Variants in DNAJC10 observed in about 807,000 individuals in gnomAD.
DNAJC10 encodes the protein DnaJ heat shock protein family (Hsp40) member C10.
In DNAJC10, 101 loss-of-function variants were observed where a neutral mutation model predicts 115.0. The ratio of observed to expected loss-of-function variants is 0.88; its 90% CI spans 0.75 to 1.04. DNAJC10 has a LOEUF of 1.04. DNAJC10 is among the 50% of genes least tolerant of loss of function. The pLI is 0.00. For missense variants in DNAJC10, 981 were observed against 928.8 expected (o/e 1.06, Z -0.73); for synonymous variants, 307 against 301.5 (o/e 1.02, Z -0.19).
At position 182,755,056 on chromosome 2, in the gene DNAJC10, T is replaced by A. The variant is rs763924453; in HGVS notation, c.1605T>A (p.His535Gln). Residue 535 changes from histidine to glutamine, a missense_variant, in exon 17 of 24, where the codon CAT becomes CAA. His to Gln is a conservative substitution (Grantham distance 24, BLOSUM62 0). Transcript: ENST00000264065. ...TTVVFNQSNI[H>Q]EYEGHHSAEQ... is the part of the protein sequence containing the mutation. Reference sequence around the variant, plus strand: ...TGGTATTCAACCAGTCCAACATTCATGAGTATGAAGGACATCACTCTGCTG... The same window carrying A: ...TGGTATTCAACCAGTCCAACATTCAAGAGTATGAAGGACATCACTCTGCTG... 1.9e-6 allele frequency: 3 copies of A among 1,610,620 alleles called. No homozygotes were observed. Among genetic ancestry groups the A allele is most frequent in the South Asian group, 2.2e-5 (2 of 91,008 alleles).
chr2:182,751,879 CA>C, intron 15 of DNAJC10, 94 bp downstream of exon 15: 1 of 1,479,380 alleles, frequency 6.8e-7, no homozygotes, highest in Non-Finnish European at 9.2e-7. Context: ...ATCATTAGTA[CA>C]AAAACTGTGT....
rs928764568 is a variant in DNAJC10, at chr2:182,794,207, A to G, written c.*17075A>G. The stretch of plus-strand genomic sequence containing the variant: ...GGGGCGAGAGAGCAGAGAGCTTGGG[A>G]AAGAAGTCTCTGAGGAGAAAGAATG... On this transcript the variant is annotated 3_prime_UTR_variant, in exon 24 of 24. Transcript: ENST00000264065. The G allele has an allele frequency of 2.0e-5, 3 of 152,232 alleles. No homozygotes were observed. Among genetic ancestry groups the G allele is most frequent in the African/African-American group, 7.2e-5 (3 of 41,450 alleles). 9.4% of individuals were successfully genotyped at this position (152,232 alleles called of 1,614,324 possible).
chr2:182,748,745 G>A (rs1243586761), intron 14 of DNAJC10, among the ~76,000 whole-genome samples: 2 of 152,096 alleles, frequency 1.3e-5, no homozygotes, highest in Non-Finnish European at 2.9e-5. Flanking sequence ...TAATTGTGAT[G>A]TTAGGGTGTC....
At position 182,789,000 on chromosome 2, in the gene DNAJC10, C is replaced by A. The variant is rs288304; in HGVS notation, c.*11868C>A. 171,201 of 271,500 alleles carry A rather than the reference C, an allele frequency of 0.63. 54,339 individuals carry two copies. The highest frequency in any genetic ancestry group is 0.72 in the Middle Eastern group (530 of 740). The allele number at this position is 271,500 out of a possible 1,614,324, so 16.8% of individuals were successfully genotyped here. A position where few individuals can be genotyped will look rare whatever the true frequency, so the allele number is the denominator to read the frequency against. Reference sequence around the variant, plus strand: ...TTAAGTAATTTCACATTGTTCAACCCATCTCCGTGACTTTATCTTGCAAAA... The same window carrying A: ...TTAAGTAATTTCACATTGTTCAACCAATCTCCGTGACTTTATCTTGCAAAA... On this transcript the variant is annotated 3_prime_UTR_variant, in exon 24 of 24. Transcript: ENST00000264065.
rs1400987374 is a variant in DNAJC10 at position 182,787,480 on chromosome 2, T to C, written c.*10348T>C. The C allele has an allele frequency of 6.6e-6, 1 of 152,216 alleles. No homozygotes were observed. 9.4% of individuals were successfully genotyped at this position (152,216 alleles called of 1,614,324 possible). On this transcript the variant is annotated 3_prime_UTR_variant, in exon 24 of 24. Transcript: ENST00000264065. ...GTTCATTCATTATGACAAAACTGCC[T>C]ACCAAAGCCACAGACTTTAAGTCTT...
Position 182,784,864 on chromosome 2 carries a change from G to A in DNAJC10, c.*7732G>A, listed in dbSNP as rs536872742. ...GATAGGCTTCCCTGAAGGATTTTAA[G>A]CAGAAATAACATCAGGTACCAGTAG... is the stretch of plus-strand genomic sequence containing the variant. On this transcript the variant is annotated 3_prime_UTR_variant, in exon 24 of 24. Transcript: ENST00000264065. 5.9e-5 allele frequency: 9 copies of A among 152,086 alleles called. No individual in the cohort carries two copies. The highest frequency in any genetic ancestry group is 1.2e-4 in the Non-Finnish European group (8 of 68,022). 9.4% of individuals were successfully genotyped at this position (152,086 alleles called of 1,614,324 possible).
intron 11 of DNAJC10, chr2:182,739,445 A>G (rs1574931731): frequency 2.3e-6 from 2 of 872,038 alleles, no homozygotes; most frequent in East Asian, 8.8e-5. Context: ...ACTGTTAAAC[A>G]TAGATGGTTC....
intron 14 of DNAJC10, among the ~76,000 whole-genome samples, chr2:182,751,130 C>CTTTTTTTTTT (rs773393648): frequency 3.5e-5 from 3 of 85,180 alleles, no homozygotes; most frequent in Admixed American, 1.7e-4. Context: ...GAGATTTTGA[C>CTTTTTTTTTT]TTTTTTTTTT....
intron 5 of DNAJC10, among the ~76,000 whole-genome samples, chr2:182,727,055 T>G (rs1693305736): frequency 1.2e-5 from 1 of 82,560 alleles, no homozygotes; most frequent in African/African-American, 6.1e-5. Flanking sequence ...TTGTTTTGTT[T>G]GTTTTTTTTT....
At chr2:182,756,784 A>G (rs1694168091) in intron 18 of DNAJC10, among the ~76,000 whole-genome samples, 2 of 152,104 alleles carry the variant, frequency 1.3e-5, no homozygotes, top group South Asian at 4.2e-4. Flanking sequence ...GATTACAGGC[A>G]TGTGCCACCA....
chr2:182,762,687 T>G lies in DNAJC10; in HGVS notation c.2151T>G (p.Ile717Met), dbSNP rs1023556473. Residue 717 changes from isoleucine to methionine, a missense_variant, in exon 22 of 24, where the codon ATT (isoleucine) becomes ATG (methionine). Transcript: ENST00000264065. The part of the protein sequence containing the change: ...APEFELLARM[I>M]KGKVKAGKVD... ...ACTGTATTTTTCTTTTTCAGATGATTAAAGGAAAAGTGAAAGCTGGAAAAG... is the reference window on the plus strand; with the variant it reads ...ACTGTATTTTTCTTTTTCAGATGATGAAAGGAAAAGTGAAAGCTGGAAAAG... 1 of 1,612,104 alleles carries G rather than the reference T, an allele frequency of 6.2e-7. No individual in the cohort carries two copies. The highest frequency in any genetic ancestry group is 1.3e-5 in the African/African-American group (1 of 74,946).
intron 4 of DNAJC10, 87 bp from the exon 5 acceptor site, chr2:182,721,938 G>T: frequency 4.1e-6 from 3 of 726,498 alleles, no homozygotes; most frequent in South Asian, 2.0e-5. Flanking sequence ...TGATTTTTTT[G>T]ATGATTAAAA....
chr2:182,732,366 ATATC>A (rs1693472738), intron 9 of DNAJC10, 129 bp from the exon 10 acceptor site: 1 of 792,392 alleles, frequency 1.3e-6, no homozygotes, highest in African/African-American at 1.7e-5. Context: ...AAGGATTTCC[ATATC>A]TATCAATAGA....
In DNAJC10 at chr2:182,780,249, G is replaced by C. The variant is rs903026924; in HGVS notation, c.*3117G>C. ...TTGGATATGGGGCCTGGTGGGAGGT[G>C]TTTGGGTGATGGGGGCTGATCCCTC... On this transcript the variant is annotated 3_prime_UTR_variant, in exon 24 of 24. Coordinates refer to ENST00000264065, the MANE Select transcript of DNAJC10 (RefSeq NM_018981.4). 6.6e-6 allele frequency: 1 copy of C among 152,156 alleles called. No homozygotes were observed. Among genetic ancestry groups the C allele is most frequent in the African/African-American group, 2.4e-5 (1 of 41,436 alleles). 9.4% of individuals were successfully genotyped at this position (152,156 alleles called of 1,614,324 possible).
chr2:182,772,933 A>C (rs1694606043), intron 22 of DNAJC10, among the ~76,000 whole-genome samples: 1 of 152,210 alleles, frequency 6.6e-6, no homozygotes, highest in South Asian at 2.1e-4. Flanking sequence ...TCTTCATAGC[A>C]TCAATGGTCT....
intron 5 of DNAJC10, 125 bp from the exon 6 acceptor site, chr2:182,728,451 G>A (rs1693347354): frequency 3.4e-6 from 2 of 594,018 alleles, no homozygotes; most frequent in East Asian, 5.9e-5. Context: ...CACAGAAAAT[G>A]AGAAAGACAA....
At position 182,762,665 on chromosome 2, in the gene DNAJC10, G is replaced by A. The variant is rs756826740; in HGVS notation, c.2146-17G>A. 3.7e-6 allele frequency: 6 copies of A among 1,610,528 alleles called. No individual in the cohort carries two copies. The highest frequency in any genetic ancestry group is 1.7e-4 in the Middle Eastern group (1 of 6,026). ...TATGCCAAACAGAAAATGGCAAACT[G>A]TATTTTTCTTTTTCAGATGATTAAA... is the stretch of plus-strand genomic sequence containing the variant. On this transcript the variant is annotated splice_polypyrimidine_tract_variant and intron_variant, in intron 21 of 23. Coordinates refer to ENST00000264065, the MANE Select transcript of DNAJC10 (RefSeq NM_018981.4).
chr2:182,724,597 A>G (rs1693234346), intron 5 of DNAJC10, among the ~76,000 whole-genome samples: 1 of 152,236 alleles, frequency 6.6e-6, no homozygotes, highest in South Asian at 2.1e-4. Flanking sequence ...CATTTCAAGT[A>G]TAAGATAGAC....
intron 22 of DNAJC10, among the ~76,000 whole-genome samples, chr2:182,765,064 C>A (rs1479133320): frequency 6.6e-6 from 1 of 152,134 alleles, no homozygotes; most frequent in African/African-American, 2.4e-5. Flanking sequence ...ACTCAGACAG[C>A]ATATAGGAAG....
Sources: gnomAD v4.1 joint callset for allele counts (sites outside exome capture counted in the v4.1 genomes callset) on GRCh38, gnomAD v4.1.1 for gene constraint, MANE v1.5 for transcripts, NCBI Gene and HGNC (gene_info 2026-07-23, HGNC 2026-07-21) for gene names.